The following MECOM variants were observed in gnomAD, a reference collection of about 807,000 sequenced individuals.
MECOM encodes the protein histone-lysine N-methyltransferase MECOM.
In MECOM, 13 loss-of-function variants were observed where a neutral mutation model predicts 116.3. The observed-to-expected ratio is 0.11, with a 90% CI of 0.07 to 0.18. MECOM has a LOEUF of 0.18. Ranked by LOEUF, MECOM falls within the 10% of genes least tolerant of loss-of-function variation. The pLI, the probability that MECOM is intolerant of heterozygous loss-of-function variation, is 1.00. For missense variants in MECOM, 1,299 were observed against 1,509.0 expected (o/e 0.86, Z 2.31); for synonymous variants, 528 against 535.2 (o/e 0.99, Z 0.19).
At chr3:169,288,437 C>A (rs1303685461) in intron 2 of MECOM, among the ~76,000 whole-genome samples, 2 of 152,082 alleles carry the variant, frequency 1.3e-5, no homozygotes, top group African/African-American at 4.8e-5. Context: ...GTTATTTCTA[C>A]ACTGGAAGGT....
At chr3:169,450,376 G>A (rs1166508482) in intron 1 of MECOM, among the ~76,000 whole-genome samples, 1 of 151,986 alleles carries the variant, frequency 6.6e-6, no homozygotes, top group Non-Finnish European at 1.5e-5. Context: ...AATTAAAAAA[G>A]CTTCCAAAAG....
At chr3:169,088,449 A>G (rs549570495) in intron 16 of MECOM, among the ~76,000 whole-genome samples, 1 of 152,158 alleles carries the variant, frequency 6.6e-6, no homozygotes, top group Non-Finnish European at 1.5e-5. Flanking sequence ...TTAAATTGAC[A>G]GGTTTTATTT....
At chr3:169,472,927 A>G (rs1749788851) in intron 1 of MECOM, 3 of 971,668 alleles carry the variant, frequency 3.1e-6, no homozygotes, top group Non-Finnish European at 3.7e-6. Context: ...ATCAATCAAA[A>G]TATTTACTAG....
rs151224352 is a variant in MECOM, at chr3:169,584,293, C to T, written c.37+79043G>A. ...ATAAAGACAGAAGAAAGGCCGGGCG[C>T]GGGGGCTCACTCCTGTAATCCCAGC... On this transcript the variant is annotated intron_variant, in intron 1 of 16. Transcript: ENST00000651503. 9.2e-5 allele frequency among the ~76,000 whole-genome samples: 14 copies of T among 152,060 alleles called. No individual in the cohort carries two copies. The East Asian group carries it at 1.7e-3, about 19-fold the overall frequency.
At chr3:169,652,671 G>C (rs181554775) in intron 1 of MECOM, among the ~76,000 whole-genome samples, 3 of 152,262 alleles carry the variant, frequency 2.0e-5, no homozygotes, top group Admixed American at 1.3e-4. Flanking sequence ...ACAGAGTTGA[G>C]TGAGTTGGGT....
chr3:169,518,568 G>C (rs1312887056), intron 1 of MECOM, among the ~76,000 whole-genome samples: 2 of 152,066 alleles, frequency 1.3e-5, no homozygotes, highest in African/African-American at 2.4e-5. Context: ...TATATGTACT[G>C]TATATTTCAC....
intron 2 of MECOM, among the ~76,000 whole-genome samples, chr3:169,235,959 C>T (rs555122531): frequency 2.0e-5 from 3 of 151,374 alleles, no homozygotes; most frequent in South Asian, 2.1e-4. Context: ...CAGAAAGACA[C>T]GCATTCAGTA....
chr3:169,340,603 T>C (rs1011311820), intron 2 of MECOM, among the ~76,000 whole-genome samples: 29 of 152,190 alleles, frequency 1.9e-4, no homozygotes, highest in African/African-American at 5.5e-4. Context: ...CGCACCAATA[T>C]TAAAAGATGG....
At chr3:169,373,556 T>C (rs1051322722) in intron 2 of MECOM, among the ~76,000 whole-genome samples, 4 of 152,020 alleles carry the variant, frequency 2.6e-5, no homozygotes, top group African/African-American at 9.7e-5. Flanking sequence ...GGGGCAGTTT[T>C]TTCTTAAGTT....
intron 1 of MECOM, among the ~76,000 whole-genome samples, chr3:169,456,099 T>G (rs928611384): frequency 2.0e-5 from 3 of 152,206 alleles, no homozygotes; most frequent in Admixed American, 2.0e-4. Flanking sequence ...TCTTGGAAAT[T>G]TATATGGTCT....
At chr3:169,391,547 T>C (rs1033386482) in intron 1 of MECOM, among the ~76,000 whole-genome samples, 10 of 152,092 alleles carry the variant, frequency 6.6e-5, no homozygotes, top group South Asian at 6.2e-4. Flanking sequence ...GAGAATGTCA[T>C]TGAAAAACAT....
intron 7 of MECOM, among the ~76,000 whole-genome samples, chr3:169,119,825 C>T (rs904572456): frequency 6.6e-6 from 1 of 152,200 alleles, no homozygotes; most frequent in East Asian, 1.9e-4. Flanking sequence ...TAGAGCTTCC[C>T]CAAGGGAGAT....
At chr3:169,182,275 A>G (rs1746066713) in intron 2 of MECOM, among the ~76,000 whole-genome samples, 1 of 152,238 alleles carries the variant, frequency 6.6e-6, no homozygotes, top group South Asian at 2.1e-4. Context: ...TATTCAAAAG[A>G]CAATCAGCAT....
chr3:169,610,219 T>C (rs1202462154), intron 1 of MECOM, among the ~76,000 whole-genome samples: 1 of 152,172 alleles, frequency 6.6e-6, no homozygotes, highest in Non-Finnish European at 1.5e-5. Context: ...TCTCAGTACA[T>C]ATATATGTAT....
intron 9 of MECOM, among the ~76,000 whole-genome samples, chr3:169,109,583 T>C (rs1726633175): frequency 6.6e-6 from 1 of 152,108 alleles, no homozygotes; most frequent in Non-Finnish European, 1.5e-5. Context: ...CCCGGCTAAA[T>C]TTTTTTGTAT....
intron 2 of MECOM, among the ~76,000 whole-genome samples, chr3:169,229,395 T>C (rs990070128): frequency 3.9e-5 from 6 of 152,162 alleles, no homozygotes; most frequent in Non-Finnish European, 8.8e-5. Flanking sequence ...AGAAATTATA[T>C]TCTCTGGTCA....
intron 1 of MECOM, among the ~76,000 whole-genome samples, chr3:169,662,699 G>A (rs1464580615): frequency 2.0e-5 from 3 of 151,496 alleles, no homozygotes; most frequent in African/African-American, 4.8e-5. Flanking sequence ...CCGCAGCCGC[G>A]GCTCGGCGCA....
intron 2 of MECOM, among the ~76,000 whole-genome samples, chr3:169,177,228 A>G (rs144261846): frequency 6.2e-4 from 95 of 152,338 alleles, no homozygotes; most frequent in African/African-American, 2.3e-3. Flanking sequence ...AATGCCCATC[A>G]ATGATAGACT....
At chr3:169,656,194 C>A (rs1313658411) in intron 1 of MECOM, among the ~76,000 whole-genome samples, 1 of 152,190 alleles carries the variant, frequency 6.6e-6, no homozygotes, top group Non-Finnish European at 1.5e-5. Context: ...ATTTGAACAA[C>A]CTTGACATAT....
Sources: gnomAD v4.1 joint callset for allele counts (sites outside exome capture counted in the v4.1 genomes callset) on GRCh38, gnomAD v4.1.1 for gene constraint, MANE v1.5 for transcripts, NCBI Gene and HGNC (gene_info 2026-07-23, HGNC 2026-07-21) for gene names.